CRISPLD2: variants seen among roughly 807,000 people sequenced by gnomAD.
The protein encoded by CRISPLD2 is cysteine-rich secretory protein LCCL domain-containing 2.
CRISPLD2 carries 47 observed loss-of-function variants against 71.1 expected under a neutral mutation model. That is an observed-to-expected ratio of 0.66 (90% CI 0.52 to 0.84). The LOEUF (loss-of-function observed/expected upper bound fraction) is 0.84. Among genes scored for constraint, CRISPLD2 ranks in the 40% least tolerant of loss-of-function variants. The pLI is 0.00. For synonymous variants in CRISPLD2, 317 were observed against 250.1 expected (o/e 1.27, Z -2.52); for missense variants, 830 against 651.1 (o/e 1.27, Z -2.99).
intron 5 of CRISPLD2, among the ~76,000 whole-genome samples, chr16:84,852,759 C>T (rs1432669370): frequency 6.6e-6 from 1 of 152,066 alleles, no homozygotes; most frequent in Non-Finnish European, 1.5e-5. Context: ...GAAGGTACTT[C>T]ACGGTGCTAT....
chr16:84,902,301 G>C (rs530923840), intron 14 of CRISPLD2, among the ~76,000 whole-genome samples: 7 of 152,004 alleles, frequency 4.6e-5, no homozygotes, highest in Non-Finnish European at 7.4e-5. Context: ...AGCAAAGGCT[G>C]CATGCAGAGA....
In CRISPLD2 at chr16:84,889,262, G is replaced by A. The variant is rs140282295; in HGVS notation, c.1338G>A (p.Ala446=). 8.2e-4 allele frequency: 1,328 copies of A among 1,614,108 alleles called. 9 individuals carry two copies. In the Middle Eastern group the frequency reaches 0.018, roughly 22 times the overall value. The change falls in exon 14 of 15, where the codon GCG becomes GCA. Residue 446 remains alanine, a synonymous_variant. Coordinates refer to ENST00000262424, the MANE Select transcript of CRISPLD2 (RefSeq NM_031476.4). ...GCATCTGCAAGACAGCCGTGCACGCGGGAGTCATCAGCAACGAGAGTGGGG... is the reference window on the plus strand; with the variant it reads ...GCATCTGCAAGACAGCCGTGCACGCAGGAGTCATCAGCAACGAGAGTGGGG... ...TSSICKTAVH[A]GVISNESGGD...
intron 14 of CRISPLD2, among the ~76,000 whole-genome samples, chr16:84,904,793 A>G (rs1360113224): frequency 1.3e-5 from 2 of 152,160 alleles, no homozygotes; most frequent in East Asian, 1.9e-4. Flanking sequence ...GCCTCACACT[A>G]TATATAAAAA....
At chr16:84,878,098 C>T (rs775406258) in intron 12 of CRISPLD2, among the ~76,000 whole-genome samples, 7 of 151,294 alleles carry the variant, frequency 4.6e-5, no homozygotes, top group Non-Finnish European at 1.0e-4. Context: ...GTGGCGGGCG[C>T]CTGTATTCCC....
At chr16:84,894,219 G>C (rs755217338) in intron 14 of CRISPLD2, among the ~76,000 whole-genome samples, 1 of 152,306 alleles carries the variant, frequency 6.6e-6, no homozygotes, top group South Asian at 2.1e-4. Context: ...GGAAAGAAAA[G>C]ACATCAGGAA....
chr16:84,856,073 T>C (rs1321699311), intron 6 of CRISPLD2, among the ~76,000 whole-genome samples: 1 of 152,252 alleles, frequency 6.6e-6, no homozygotes, highest in Non-Finnish European at 1.5e-5. Flanking sequence ...CTTCTTCTAC[T>C]GCCCATTCTG....
chr16:84,864,334 C>G (rs914765363), intron 6 of CRISPLD2, among the ~76,000 whole-genome samples: 1 of 152,298 alleles, frequency 6.6e-6, no homozygotes, highest in East Asian at 1.9e-4. Flanking sequence ...TGCCCATTTT[C>G]TTAAATAGAG....
At chr16:84,820,903 G>A (rs988489682) in intron 1 of CRISPLD2, among the ~76,000 whole-genome samples, 1 of 152,228 alleles carries the variant, frequency 6.6e-6, no homozygotes, top group East Asian at 1.9e-4. Context: ...CGTCCCACGT[G>A]GACAGAGCCA....
At chr16:84,886,135 C>G (rs1226597196) in intron 13 of CRISPLD2, among the ~76,000 whole-genome samples, 1 of 152,076 alleles carries the variant, frequency 6.6e-6, no homozygotes, top group African/African-American at 2.4e-5. Context: ...GGTGATCTGC[C>G]CACCTCGGCC....
At chr16:84,891,727 A>T (rs529652972) in intron 14 of CRISPLD2, among the ~76,000 whole-genome samples, 1 of 152,308 alleles carries the variant, frequency 6.6e-6, no homozygotes, top group African/African-American at 2.4e-5. Flanking sequence ...GGCTGGGGAC[A>T]GGGACCTCAT....
At chr16:84,891,616 G>A (rs1426108498) in intron 14 of CRISPLD2, among the ~76,000 whole-genome samples, 3 of 149,094 alleles carry the variant, frequency 2.0e-5, no homozygotes, top group Non-Finnish European at 4.4e-5. Flanking sequence ...TGAGCTCTTT[G>A]TACCCTCTTT....
intron 6 of CRISPLD2, among the ~76,000 whole-genome samples, chr16:84,865,605 C>T (rs1917515019): frequency 6.6e-6 from 1 of 152,146 alleles, no homozygotes; most frequent in African/African-American, 2.4e-5. Context: ...GGTCCAAAGA[C>T]TTCTGTTGGG....
rs564040114 is a variant in CRISPLD2 at position 84,882,946 on chromosome 16, C to T, written c.1305+2362C>T. 2.6e-5 allele frequency among the ~76,000 whole-genome samples: 4 copies of T among 152,266 alleles called. No individual in the cohort carries two copies. The East Asian group carries it at 7.7e-4, about 29-fold the overall frequency. On this transcript the variant is annotated intron_variant, in intron 13 of 14. Coordinates refer to ENST00000262424, the MANE Select transcript of CRISPLD2 (RefSeq NM_031476.4). Reference sequence around the variant, plus strand: ...GATGTTACCTGCATTCATAGCTACACTGATATGAACAGGCGTGAGGGGAAA... The same window carrying T: ...GATGTTACCTGCATTCATAGCTACATTGATATGAACAGGCGTGAGGGGAAA...
intron 11 of CRISPLD2, among the ~76,000 whole-genome samples, chr16:84,876,756 C>T (rs564850310): frequency 1.3e-5 from 2 of 152,292 alleles, no homozygotes; most frequent in African/African-American, 4.8e-5. Flanking sequence ...CGTGCCGTTT[C>T]ACTCCAGCCT....
intron 6 of CRISPLD2, among the ~76,000 whole-genome samples, chr16:84,862,509 G>T (rs1173881065): frequency 6.6e-6 from 1 of 151,940 alleles, no homozygotes; most frequent in Non-Finnish European, 1.5e-5. Flanking sequence ...TTCTTCACTG[G>T]TTCCCATTTA....
intron 2 of CRISPLD2, among the ~76,000 whole-genome samples, chr16:84,843,342 C>T (rs946848105): frequency 1.3e-5 from 2 of 152,246 alleles, no homozygotes; most frequent in African/African-American, 4.8e-5. Context: ...GGCTTGGAAA[C>T]GTGGCTTCCT....
intron 14 of CRISPLD2, among the ~76,000 whole-genome samples, chr16:84,894,284 A>G (rs1439340908): frequency 1.3e-5 from 2 of 152,234 alleles, no homozygotes; most frequent in Non-Finnish European, 2.9e-5. Flanking sequence ...AATGCCGGAC[A>G]TCTGGGTGAA....
chr16:84,884,200 G>C (rs1325287722), intron 13 of CRISPLD2, among the ~76,000 whole-genome samples: 2 of 152,148 alleles, frequency 1.3e-5, no homozygotes, highest in Non-Finnish European at 2.9e-5. Context: ...CCCTAGGTGG[G>C]ACAGTGGACA....
intron 7 of CRISPLD2, 112 bp from the exon 8 acceptor site, chr16:84,868,739 T>A: frequency 1.1e-6 from 1 of 895,044 alleles, no homozygotes; most frequent in Non-Finnish European, 1.8e-6. Flanking sequence ...TTGCTCTTAG[T>A]ATAGCACGGA....
Sources: allele counts gnomAD v4.1 joint callset (sites outside exome capture counted in the v4.1 genomes callset), GRCh38; gene constraint gnomAD v4.1.1; transcripts MANE v1.5; gene names NCBI Gene and HGNC (gene_info 2026-07-23, HGNC 2026-07-21).